The following YLPM1 variants were observed in gnomAD, a reference collection of about 807,000 sequenced individuals.
YLPM1 encodes the protein YLP motif-containing protein 1.
YLPM1 carries 99 observed loss-of-function variants against 230.0 expected under a neutral mutation model. That is an observed-to-expected ratio of 0.43 (90% confidence interval 0.37 to 0.51). YLPM1 has a LOEUF of 0.51. YLPM1 is among the 20% of genes least tolerant of loss of function. YLPM1 has a pLI of 0.00. For missense variants in YLPM1, 2,592 were observed against 2,707.7 expected (o/e 0.96, Z 0.95); for synonymous variants, 984 against 942.5 (o/e 1.04, Z -0.81).
At chr14:74,797,316 A>T (rs537374498) in intron 4 of YLPM1, among the ~76,000 whole-genome samples, 76 of 151,996 alleles carry the variant, frequency 5.0e-4, no homozygotes, top group Non-Finnish European at 8.8e-4. Context: ...ACCGTTCAGT[A>T]TATCAGTGAC....
chr14:74,787,317 C>CT (rs2091159566), intron 4 of YLPM1, among the ~76,000 whole-genome samples: 1 of 152,178 alleles, frequency 6.6e-6, no homozygotes, highest in Admixed American at 6.5e-5. Context: ...AATCCCAGCA[C>CT]TTTGGGAGGC....
chr14:74,772,697 A>G (rs1048223108), intron 1 of YLPM1, among the ~76,000 whole-genome samples: 1 of 152,168 alleles, frequency 6.6e-6, no homozygotes, highest in Non-Finnish European at 1.5e-5. Flanking sequence ...CCTTCATTCA[A>G]TCTCGTTTTA....
intron 18 of YLPM1, 57 bp downstream of exon 18, chr14:74,824,364 A>G: frequency 2.6e-6 from 4 of 1,556,816 alleles, no homozygotes; most frequent in Non-Finnish European, 3.5e-6. Context: ...ATGGTCATAG[A>G]TCTTTCTGCT....
chr14:74,768,950 C>T (rs554704266), intron 1 of YLPM1, among the ~76,000 whole-genome samples: 9 of 151,582 alleles, frequency 5.9e-5, no homozygotes, highest in South Asian at 2.1e-4. Flanking sequence ...TAGGATCTAG[C>T]GCATAGGAGG....
intron 5 of YLPM1, among the ~76,000 whole-genome samples, chr14:74,802,093 C>G (rs1461341181): frequency 1.3e-5 from 2 of 151,886 alleles, no homozygotes; most frequent in Non-Finnish European, 2.9e-5. Context: ...TGGTGCATGC[C>G]TGTAGACCCA....
chr14:74,812,532 G>C (rs1458119856), intron 10 of YLPM1, 96 bp from the exon 11 acceptor site: 8 of 1,245,340 alleles, frequency 6.4e-6, no homozygotes, highest in Admixed American at 3.4e-5. Flanking sequence ...CACTGGACTT[G>C]GTTTGAATTA....
At chr14:74,805,898 G>A (rs1293994925) in intron 6 of YLPM1, among the ~76,000 whole-genome samples, 3 of 149,670 alleles carry the variant, frequency 2.0e-5, no homozygotes, top group African/African-American at 7.4e-5. Flanking sequence ...TAGAGATAGG[G>A]TTTCACCATG....
chr14:74,770,203 A>G (rs1355141837), intron 1 of YLPM1, among the ~76,000 whole-genome samples: 2 of 150,408 alleles, frequency 1.3e-5, no homozygotes, highest in African/African-American at 4.9e-5. Flanking sequence ...AAACCTAGCC[A>G]GGCATGGTGT....
chr14:74,809,495 T>C lies in YLPM1; in HGVS notation c.4637T>C (p.Ile1546Thr), dbSNP rs2091412976. Residue 1546 changes from isoleucine (I) to threonine (T), a missense_variant, in exon 7 of 21, where the codon ATA becomes ACA. Physicochemically the swap from Ile to Thr is moderately conservative, Grantham distance 89 (BLOSUM62 -1). Coordinates refer to ENST00000325680, the MANE Select transcript of YLPM1 (RefSeq NM_019589.3). The stretch of plus-strand genomic sequence containing the variant: ...CCTGTGACCAGGCCACCTGTCCCAA[T>C]ACCACCACCTCCACCTCCTCCACCT... Reference protein sequence around the residue: ...SVPVTRPPVPIPPPPPPPPLP... With the variant: ...SVPVTRPPVPTPPPPPPPPLP... 1.3e-6 allele frequency: 2 copies of C among 1,584,688 alleles called. No homozygotes were observed. The highest frequency in any genetic ancestry group is 1.8e-5 in the Admixed American group (1 of 54,748).
chr14:74,806,070 A>G (rs2140120169), intron 6 of YLPM1, among the ~76,000 whole-genome samples: 1 of 150,888 alleles, frequency 6.6e-6, no homozygotes, highest in South Asian at 2.1e-4. Flanking sequence ...TAATAGTTGT[A>G]TAATGGCCGG....
chr14:74,824,235 T>C, intron 17 of YLPM1, 21 bp from the exon 18 acceptor site: 2 of 1,610,930 alleles, frequency 1.2e-6, no homozygotes, highest in Non-Finnish European at 1.7e-6. Context: ...CCCTTCGAGC[T>C]TCTCTCTGTG....
chr14:74,791,855 G>T (rs1334665445), intron 4 of YLPM1, among the ~76,000 whole-genome samples: 2 of 151,986 alleles, frequency 1.3e-5, no homozygotes, highest in African/African-American at 4.8e-5. Flanking sequence ...AATTCTCAAG[G>T]CATTCACAAT....
intron 1 of YLPM1, among the ~76,000 whole-genome samples, chr14:74,766,886 T>C (rs573669522): frequency 2.0e-5 from 3 of 148,380 alleles, no homozygotes; most frequent in African/African-American, 7.4e-5. Context: ...ACCTTTTCTT[T>C]TTTTTTTTTT....
intron 16 of YLPM1, among the ~76,000 whole-genome samples, chr14:74,818,678 A>G (rs1157855332): frequency 3.3e-5 from 5 of 152,214 alleles, no homozygotes; most frequent in Non-Finnish European, 7.3e-5. Context: ...ATAAAATACT[A>G]TATTAAGTAA....
chr14:74,777,053 T>C (rs1244092732), intron 1 of YLPM1, among the ~76,000 whole-genome samples: 1 of 149,838 alleles, frequency 6.7e-6, no homozygotes, highest in African/African-American at 2.5e-5. Flanking sequence ...GAGATGACCC[T>C]GTCTCAAAAA....
At chr14:74,834,873 G>C (rs1342445690) in intron 19 of YLPM1, 1 of 162,232 alleles carries the variant, frequency 6.2e-6, no homozygotes, top group East Asian at 1.8e-4. Context: ...AATCACAACT[G>C]TGTGTTTTAG....
chr14:74,763,581 C>T lies in YLPM1; in HGVS notation c.92C>T (p.Ser31Leu). The T allele has an allele frequency of 6.3e-7, 1 of 1,585,924 alleles. No homozygotes were observed. The highest frequency in any genetic ancestry group is 8.6e-7 in the Non-Finnish European group (1 of 1,164,974). ...CCGCCAGTGGCGCTTCCTGAGGCCT[C>T]GCCGGGGCCCGGGTACTCGAGCTCG... The part of the protein sequence containing the change: ...PPPPVALPEA[S>L]PGPGYSSSTT... The change falls in exon 1 of 21, where the codon TCG becomes TTG. Residue 31 changes from serine to leucine, a missense_variant. Coordinates refer to ENST00000325680, the MANE Select transcript of YLPM1 (RefSeq NM_019589.3).
At chr14:74,814,844 G>C (rs1043861020) in intron 11 of YLPM1, among the ~76,000 whole-genome samples, 11 of 152,168 alleles carry the variant, frequency 7.2e-5, no homozygotes, top group African/African-American at 2.7e-4. Flanking sequence ...AGTCATCCAG[G>C]CTTAGGCTTT....
chr14:74,832,314 G>A (rs1475513870), intron 19 of YLPM1, among the ~76,000 whole-genome samples: 1 of 152,146 alleles, frequency 6.6e-6, no homozygotes, highest in African/African-American at 2.4e-5. Flanking sequence ...GTCTTTGTAC[G>A]AAGTCTATGA....
Sources: allele counts gnomAD v4.1 joint callset (sites outside exome capture counted in the v4.1 genomes callset), GRCh38; gene constraint gnomAD v4.1.1; transcripts MANE v1.5; gene names NCBI Gene and HGNC (gene_info 2026-07-23, HGNC 2026-07-21).